Variants in PLEKHG5 observed in about 807,000 individuals in gnomAD.
PLEKHG5 encodes the protein pleckstrin homology domain-containing family G member 5.
In PLEKHG5, 52 loss-of-function variants were observed where a neutral mutation model predicts 103.8. The ratio of observed to expected loss-of-function variants is 0.50; its 90% CI spans 0.40 to 0.63. PLEKHG5 has a LOEUF of 0.63. PLEKHG5 is among the 30% of genes least tolerant of loss of function. The pLI, the probability that PLEKHG5 is intolerant of heterozygous loss-of-function variation, is 0.00. For synonymous variants in PLEKHG5, 592 were observed against 575.5 expected (o/e 1.03, Z -0.41); for missense variants, 1,205 against 1,347.6 (o/e 0.89, Z 1.66).
chr1:6,509,984 T>G (rs537130724), intron 1 of PLEKHG5, among the ~76,000 whole-genome samples: 10 of 152,206 alleles, frequency 6.6e-5, no homozygotes, highest in African/African-American at 2.4e-4. Context: ...GGGCCCCAGG[T>G]GCAGGTAACC....
At chr1:6,480,772 C>T (rs1008284381) in intron 1 of PLEKHG5, among the ~76,000 whole-genome samples, 2 of 151,768 alleles carry the variant, frequency 1.3e-5, no homozygotes, top group African/African-American at 4.8e-5. Flanking sequence ...CCTCACCGTC[C>T]CAAGTAGCTG....
chr1:6,516,814 A>G (rs796503920), intron 1 of PLEKHG5, among the ~76,000 whole-genome samples: 8 of 90,104 alleles, frequency 8.9e-5, no homozygotes, highest in African/African-American at 2.4e-4. Context: ...ATATGTGTGT[A>G]TATATATGTG....
At chr1:6,471,302 G>C in intron 12 of PLEKHG5, 186 bp downstream of exon 12, 1 of 779,864 alleles carries the variant, frequency 1.3e-6, no homozygotes, top group Non-Finnish European at 2.1e-6. Context: ...AGGGGTAGAT[G>C]GTCAGGTGGA....
intron 1 of PLEKHG5, among the ~76,000 whole-genome samples, chr1:6,518,075 GGC>G (rs1371560122): frequency 6.6e-6 from 1 of 151,958 alleles, no homozygotes; most frequent in African/African-American, 2.4e-5. Flanking sequence ...TGGGACTACA[GGC>G]GCCTGCCACC....
upstream of PLEKHG5, chr1:6,497,293 G>A: frequency 9.9e-7 from 1 of 1,010,964 alleles, no homozygotes. The surrounding 1 kb of genome is among the most constrained non-coding windows in gnomAD (Gnocchi z 6.1). Flanking sequence ...CCCGCCCCGC[G>A]TCCGCCGGGT....
At chr1:6,483,624 T>G (rs572732142) in intron 1 of PLEKHG5, among the ~76,000 whole-genome samples, 149 of 152,216 alleles carry the variant, frequency 9.8e-4, no homozygotes, top group African/African-American at 3.4e-3. Flanking sequence ...ATGATCACAT[T>G]GCTGCACTCC....
rs1638278184 is a variant in PLEKHG5, at chr1:6,505,228, T to G, written c.-164-8659A>C. ...ACCAAAGCTCCCTGACAGAGCTAGG[T>G]CCCCAGCCCACAGTGCCGGTCAGCC... On this transcript the variant is annotated intron_variant, in intron 1 of 21. Coordinates refer to the PLEKHG5 transcript ENST00000377740. The surrounding 1 kb of genome is among the most constrained non-coding windows in gnomAD (Gnocchi z 4.2). 6.6e-6 allele frequency among the ~76,000 whole-genome samples: 1 copy of G among 151,940 alleles called. No individual in the cohort carries two copies. Among genetic ancestry groups the G allele is most frequent in the Non-Finnish European group, 1.5e-5 (1 of 67,976 alleles).
intron 1 of PLEKHG5, among the ~76,000 whole-genome samples, chr1:6,514,495 G>A (rs1638561888): frequency 6.6e-6 from 1 of 151,842 alleles, no homozygotes; most frequent in East Asian, 1.9e-4. Context: ...GGGTGTGGTG[G>A]CTCACGCCTA....
At chr1:6,474,942 C>T in intron 5 of PLEKHG5, 105 bp downstream of exon 5, 1 of 823,508 alleles carries the variant, frequency 1.2e-6, no homozygotes. Flanking sequence ...GCTCACGGGC[C>T]ACCACACAGA....
intron 1 of PLEKHG5, among the ~76,000 whole-genome samples, chr1:6,507,417 C>T (rs757384484): frequency 6.6e-6 from 1 of 152,176 alleles, no homozygotes; most frequent in Non-Finnish European, 1.5e-5. Flanking sequence ...CAGACTTGAA[C>T]GGGGCCAAGG....
chr1:6,471,158 C>A, intron 12 of PLEKHG5, 58 bp from the exon 13 acceptor site: 1 of 1,389,938 alleles, frequency 7.2e-7, no homozygotes, highest in Non-Finnish European at 1.0e-6. Flanking sequence ...GCGGGCCGGC[C>A]CGCGCCAGGC....
rs1468464746 is a variant in PLEKHG5, at chr1:6,471,600, A to G, written c.1169T>C (p.Ile390Thr). 1 of 1,595,770 alleles carries G rather than the reference A, an allele frequency of 6.3e-7. No homozygotes were observed. Among genetic ancestry groups the G allele is most frequent in the South Asian group, 1.1e-5 (1 of 88,596 alleles). ...CCACAGCCTGCGGTGCAGCTGCGCG[A>G]TCTCCGGGATGTTGCTGAACAGGCG... The part of the protein sequence containing the change: ...AERLFSNIPE[I>T]AQLHRRLWAS... The change falls in exon 12 of 21, where the codon ATC (isoleucine) becomes ACC (threonine). Residue 390 changes from isoleucine (I) to threonine (T), a missense_variant. Ile to Thr is a moderately conservative substitution (Grantham distance 89, BLOSUM62 -1). Transcript: ENST00000377728.
chr1:6,499,680 C>T (rs1455865258), upstream of PLEKHG5, among the ~76,000 whole-genome samples: 1 of 152,162 alleles, frequency 6.6e-6, no homozygotes, highest in Non-Finnish European at 1.5e-5. Flanking sequence ...ATGAGCTCTC[C>T]TGCAGGTGAC....
intron 1 of PLEKHG5, chr1:6,485,988 C>A (rs902695155): frequency 1.3e-6 from 1 of 777,862 alleles, no homozygotes; most frequent in East Asian, 1.3e-4. Context: ...CCCCCCCCCA[C>A]CTTGGAGACT....
chr1:6,469,747 C>T lies in PLEKHG5; in HGVS notation c.1801-71G>A, dbSNP rs77492523. 88,112 of 1,498,240 alleles carry T rather than the reference C, an allele frequency of 0.059. 2,848 individuals carry two copies. Among genetic ancestry groups the T allele is most frequent in the African/African-American group, 0.11 (8,021 of 72,296 alleles). The allele number at this position is 1,498,240 out of a possible 1,614,324, so 92.8% of individuals were successfully genotyped here. A position where few individuals can be genotyped will look rare whatever the true frequency, so the allele number is the denominator to read the frequency against. ...GGGCCAGGGACTGTGGCACCAGCCT[C>T]CCCTGGGAGCACTCGGTTTTTGTCA... On this transcript the variant is annotated intron_variant, in intron 16 of 20. Coordinates refer to ENST00000377728, the MANE Select transcript of PLEKHG5 (RefSeq NM_020631.6).
Position 6,490,680 on chromosome 1 carries a change from G to C in PLEKHG5, c.-88+957C>G. ...CGCCGCCCGGCTGGGACCGGGGAGA[G>C]GAGGGGTCCCAGGAAGGGCCCCGCG... On this transcript the variant is annotated intron_variant, in intron 1 of 20. Coordinates refer to ENST00000377728, the MANE Select transcript of PLEKHG5 (RefSeq NM_020631.6). This position sits in a 1 kb window ranked among gnomAD's most constrained non-coding sequence, Gnocchi z 8.0. 1 of 877,590 alleles carries C rather than the reference G, an allele frequency of 1.1e-6. No homozygotes were observed. The highest frequency in any genetic ancestry group is 1.4e-6 in the Non-Finnish European group (1 of 731,656). 54.4% of individuals were successfully genotyped at this position (877,590 alleles called of 1,614,324 possible). A position where few individuals can be genotyped will look rare whatever the true frequency, so the allele number is the denominator to read the frequency against.
At chr1:6,513,046 C>A (rs934953650) in intron 1 of PLEKHG5, among the ~76,000 whole-genome samples, 7 of 152,248 alleles carry the variant, frequency 4.6e-5, no homozygotes, top group Admixed American at 3.9e-4. Flanking sequence ...GACCCTGGGG[C>A]CCCGCCCACC....
At chr1:6,503,830 G>A (rs974817183) in intron 1 of PLEKHG5, among the ~76,000 whole-genome samples, 1 of 152,202 alleles carries the variant, frequency 6.6e-6, no homozygotes, top group African/African-American at 2.4e-5. Context: ...AGCAGGAGCC[G>A]CCTGCCCCAG....
chr1:6,471,777 T>C lies in PLEKHG5; in HGVS notation c.1112A>G (p.Glu371Gly). The change falls in exon 11 of 21, where the codon GAG becomes GGG. Residue 371 changes from glutamate (E) to glycine (G), a missense_variant. Coordinates refer to ENST00000377728, the MANE Select transcript of PLEKHG5 (RefSeq NM_020631.6). ...GCGCACCTCACACAGCAGCCCTGAC[T>C]CTTGCAGGTTCAGGAGGCAGCACAG... is the stretch of plus-strand genomic sequence containing the variant. ...LFLCCLLNLQESGLLCEVEAE... is the reference protein window; with the variant it reads ...LFLCCLLNLQGSGLLCEVEAE... The C allele has an allele frequency of 1.4e-5, 22 of 1,610,142 alleles. No homozygotes were observed. The highest frequency in any genetic ancestry group is 1.9e-5 in the Non-Finnish European group (22 of 1,178,602).
Sources: gnomAD v4.1 joint callset for allele counts (sites outside exome capture counted in the v4.1 genomes callset) on GRCh38, gnomAD v4.1.1 for gene constraint, Gnocchi (gnomAD v3.1) non-coding constraint, MANE v1.5 for transcripts, NCBI Gene and HGNC (gene_info 2026-07-23, HGNC 2026-07-21) for gene names.